Variants in PPOX observed in about 807,000 individuals in gnomAD.
The protein encoded by PPOX is variegate porphyria.
Under a neutral mutation model 54.1 loss-of-function variants are expected in PPOX, and 23 were observed. That is an observed-to-expected ratio of 0.43 (90% CI 0.31 to 0.60). PPOX has a LOEUF of 0.60. PPOX is among the 20% of genes least tolerant of loss of function. The pLI is 0.13. For missense variants in PPOX, 512 were observed against 601.1 expected (o/e 0.85, Z 1.55); for synonymous variants, 224 against 236.1 (o/e 0.95, Z 0.47).
chr1:161,167,805 C>T lies in PPOX; in HGVS notation c.339-190C>T, dbSNP rs1270647675. On this transcript the variant is annotated intron_variant, in intron 4 of 12. Coordinates refer to ENST00000367999, the MANE Select transcript of PPOX (RefSeq NM_001122764.3). ...GTCTTGAACTCCTGACCTTGTGATC[C>T]GCCCGCCTCGGCCTGCCAAAGTGCT... 15 of 903,976 alleles carry T rather than the reference C, an allele frequency of 1.7e-5. No homozygotes were observed. In the South Asian group the frequency reaches 2.0e-4, roughly 12 times the overall value. The allele number at this position is 903,976 out of a possible 1,614,324, so 56.0% of individuals were successfully genotyped here.
chr1:161,171,810 G>A (rs368972108), downstream of PPOX: 60 of 1,613,716 alleles, frequency 3.7e-5, no homozygotes, highest in Admixed American at 2.3e-4. Flanking sequence ...AGACAGGAAG[G>A]AGGAGTCAGT....
At chr1:161,173,563 C>A, downstream of PPOX, 1 of 1,612,272 alleles carries the variant, frequency 6.2e-7, no homozygotes, top group Non-Finnish European at 8.5e-7. Flanking sequence ...GGACAGGGAT[C>A]CAGACTGGGG....
intron 9 of PPOX, 63 bp from the exon 10 acceptor site, chr1:161,170,346 G>C: frequency 1.5e-6 from 1 of 647,700 alleles, no homozygotes. Context: ...CAAAAAAATG[G>C]GAAGGAGAGA....
At chr1:161,171,223 G>A (rs1308167582), downstream of PPOX, 1 of 1,611,830 alleles carries the variant, frequency 6.2e-7, no homozygotes, top group East Asian at 2.2e-5. Flanking sequence ...AGCTTGGCTT[G>A]GTCTGGCTGT....
At chr1:161,170,321 T>TGGGGGGGGGCC in intron 9 of PPOX, 88 bp from the exon 10 acceptor site, 4 of 367,764 alleles carry the variant, frequency 1.1e-5, no homozygotes, top group Non-Finnish European at 1.6e-5. Flanking sequence ...TGAGACTCTG[T>TGGGGGGGGGCC]CCCCCCCACC....
chr1:161,172,305 G>A (rs1661747674), downstream of PPOX: 1 of 1,614,056 alleles, frequency 6.2e-7, no homozygotes, highest in Non-Finnish European at 8.5e-7. Context: ...GGGGGGCCGA[G>A]AGATCTTCAT....
chr1:161,174,206 G>A (rs1276778883), downstream of PPOX, among the ~76,000 whole-genome samples: 1 of 152,122 alleles, frequency 6.6e-6, no homozygotes, highest in Non-Finnish European at 1.5e-5. Context: ...AGGAGATTGA[G>A]ACCACCCTGG....
chr1:161,169,874 C>A (rs1660529801), intron 8 of PPOX, 32 bp from the exon 9 acceptor site: 2 of 1,614,176 alleles, frequency 1.2e-6, no homozygotes, highest in Non-Finnish European at 1.7e-6. Context: ...AATGGGAATG[C>A]CTTCTGAGTC....
downstream of PPOX, chr1:161,174,787 T>C (rs1272156324): frequency 3.4e-6 from 2 of 593,236 alleles, no homozygotes; most frequent in Non-Finnish European, 5.9e-6. Flanking sequence ...CAGGAGAGTG[T>C]AGGACAGTGG....
At chr1:161,176,524 T>C (rs41270035) in intron 4 of PPOX, 219 of 409,560 alleles carry the variant, frequency 5.3e-4, no homozygotes, top group Non-Finnish European at 9.0e-4. Context: ...ATTGGAAATG[T>C]CACAGAGGGC....
At chr1:161,173,665 A>G (rs764280726), downstream of PPOX, 9 of 1,614,190 alleles carry the variant, frequency 5.6e-6, no homozygotes, top group Non-Finnish European at 7.6e-6. Context: ...GAAGCCATTC[A>G]TCTTCAGGTA....
downstream of PPOX, chr1:161,174,140 G>T (rs143067582): frequency 6.1e-4 from 843 of 1,372,134 alleles, 15 homozygotes; most frequent in East Asian, 0.019. Context: ...GGGCGCGGTG[G>T]CTTACGCCTG....
rs1252661884 is a variant in PPOX, at chr1:161,170,427, C to G, written c.1006C>G (p.Pro336Ala). 1 of 1,590,958 alleles carries G rather than the reference C, an allele frequency of 6.3e-7. No individual in the cohort carries two copies. Among genetic ancestry groups the G allele is most frequent in the Non-Finnish European group, 8.6e-7 (1 of 1,166,516 alleles). Residue 336 changes from proline (P) to alanine (A), a missense_variant, in exon 10 of 13, where the codon CCA becomes GCA. Physicochemically the swap from Pro to Ala is conservative, Grantham distance 27 (BLOSUM62 -1). Transcript: ENST00000367999. ...LPVQGFGHLVPSSEDPGVLGI... is the reference protein window; with the variant it reads ...LPVQGFGHLVASSEDPGVLGI... ...TCTCCAGGGATTTGGACATTTGGTG[C>G]CATCTTCAGAAGATCCAGGAGTCCT...
At chr1:161,166,419 A>C, upstream of PPOX, 1 of 1,124,296 alleles carries the variant, frequency 8.9e-7, no homozygotes, top group Non-Finnish European at 1.1e-6. Flanking sequence ...TGCCGCGAGA[A>C]CAGAGTGGAC....
downstream of PPOX, chr1:161,174,200 G>C: frequency 1.4e-6 from 1 of 740,414 alleles, no homozygotes; most frequent in Non-Finnish European, 2.2e-6. Context: ...AAGGTCAGGA[G>C]ATTGAGACCA....
downstream of PPOX, chr1:161,171,306 C>A: frequency 6.8e-7 from 1 of 1,463,358 alleles, no homozygotes; most frequent in Non-Finnish European, 9.4e-7. Context: ...AAAGCAGGAG[C>A]AGATGCGAGA....
downstream of PPOX, among the ~76,000 whole-genome samples, chr1:161,175,416 G>A (rs889330137): frequency 6.6e-6 from 1 of 152,102 alleles, no homozygotes; most frequent in Non-Finnish European, 1.5e-5. Flanking sequence ...GAAGGTGCAG[G>A]ATCCTTACCT....
At chr1:161,176,279 G>A (rs1663481913) in intron 4 of PPOX, 1 of 629,518 alleles carries the variant, frequency 1.6e-6, no homozygotes, top group Non-Finnish European at 2.7e-6. Flanking sequence ...TTCAGCCCAA[G>A]TTTCGCTCTC....
chr1:161,171,055 C>T lies in PPOX; in HGVS notation c.1313C>T (p.Thr438Ile). The change falls in exon 13 of 13, where the codon ACT (threonine) becomes ATT (isoleucine). Residue 438 changes from threonine to isoleucine, a missense_variant. Physicochemically the swap from Thr to Ile is moderately conservative, Grantham distance 89. Transcript: ENST00000367999. ...QKLESARQFL[T>I]AHRLPLTLAG... The stretch of plus-strand genomic sequence containing the variant: ...CCAGAGTCAGCTAGGCAATTCCTGA[C>T]TGCTCACAGGTTGCCCCTGACTCTG... 1 of 1,614,222 alleles carries T rather than the reference C, an allele frequency of 6.2e-7. No homozygotes were observed. Among genetic ancestry groups the T allele is most frequent in the Non-Finnish European group, 8.5e-7 (1 of 1,180,048 alleles).
Sources: gnomAD v4.1 joint callset for allele counts (sites outside exome capture counted in the v4.1 genomes callset) on GRCh38, gnomAD v4.1.1 for gene constraint, MANE v1.5 for transcripts, NCBI Gene and HGNC (gene_info 2026-07-23, HGNC 2026-07-21) for gene names.